Variants in KIZ observed in about 807,000 individuals in gnomAD.
KIZ encodes the protein kizuna centrosomal protein.
Under a neutral mutation model 79.6 loss-of-function variants are expected in KIZ, and 68 were observed. That is an observed-to-expected ratio of 0.85 (90% confidence interval 0.70 to 1.05). The LOEUF (loss-of-function observed/expected upper bound fraction) is 1.05, where lower values mean the gene tolerates loss of function less well. Ranked by LOEUF, KIZ falls within the 50% of genes least tolerant of loss-of-function variation. The pLI, the probability that KIZ is intolerant of heterozygous loss-of-function variation, is 0.00. For missense variants in KIZ, 797 were observed against 800.4 expected (o/e 1.00, Z 0.05); for synonymous variants, 280 against 281.8 (o/e 0.99, Z 0.06).
At chr20:21,233,883 G>A (rs891471266) in intron 11 of KIZ, among the ~76,000 whole-genome samples, 7 of 152,124 alleles carry the variant, frequency 4.6e-5, no homozygotes, top group Non-Finnish European at 7.4e-5. Context: ...ATTTTCAGAA[G>A]TTATTATTTT....
chr20:21,134,151 G>A (rs1305871617), intron 2 of KIZ, among the ~76,000 whole-genome samples: 4 of 152,282 alleles, frequency 2.6e-5, no homozygotes, highest in East Asian at 1.9e-4. Context: ...GCCAGGAGGC[G>A]TGAGGTGGGC....
chr20:21,148,429 G>A (rs1318656448), intron 4 of KIZ, among the ~76,000 whole-genome samples: 1 of 151,980 alleles, frequency 6.6e-6, no homozygotes, highest in African/African-American at 2.4e-5. Context: ...TCGCTTAGAA[G>A]GATTAATAGT....
chr20:21,244,199 A>G (rs2037314273), intron 11 of KIZ, 46 bp from the exon 12 acceptor site: 2 of 1,371,890 alleles, frequency 1.5e-6, no homozygotes, highest in South Asian at 1.2e-5. Flanking sequence ...TATTAGTCTC[A>G]TTGTCTTTTC....
At chr20:21,183,223 T>C (rs2034732739) in intron 6 of KIZ, among the ~76,000 whole-genome samples, 1 of 152,222 alleles carries the variant, frequency 6.6e-6, no homozygotes, top group Non-Finnish European at 1.5e-5. Flanking sequence ...AACAGGCAAG[T>C]TGTTTGTGAT....
intron 6 of KIZ, among the ~76,000 whole-genome samples, chr20:21,199,516 C>G (rs1248940601): frequency 2.6e-5 from 4 of 152,174 alleles, no homozygotes; most frequent in Non-Finnish European, 5.9e-5. Context: ...GGTTCACTCT[C>G]TAGCCTTGAA....
At chr20:21,246,350 AT>A (rs2037385771) in intron 12 of KIZ, 128 bp from the exon 13 acceptor site, 9 of 670,450 alleles carry the variant, frequency 1.3e-5, no homozygotes, top group South Asian at 3.3e-5. Context: ...CAGGTACATC[AT>A]GTGGTGTCCC....
intron 1 of KIZ, among the ~76,000 whole-genome samples, chr20:21,131,474 A>T (rs927229815): frequency 1.3e-5 from 2 of 152,190 alleles, no homozygotes; most frequent in African/African-American, 4.8e-5. Context: ...GTCTTTCTCT[A>T]TCTCATCCAC....
intron 12 of KIZ, chr20:21,244,695 C>T (rs549535530): frequency 6.0e-6 from 1 of 165,472 alleles, no homozygotes; most frequent in Admixed American, 6.3e-5. Context: ...TTCCTCCCAG[C>T]TCCTGGGAAC....
At chr20:21,166,087 C>T in intron 6 of KIZ, 1 of 648,004 alleles carries the variant, frequency 1.5e-6, no homozygotes, top group East Asian at 2.7e-5. Flanking sequence ...CTGCCTCAGC[C>T]TCCTGAGTAG....
At chr20:21,213,191 G>C (rs1198296359) in intron 7 of KIZ, among the ~76,000 whole-genome samples, 1 of 152,216 alleles carries the variant, frequency 6.6e-6, no homozygotes, top group African/African-American at 2.4e-5. Flanking sequence ...AAAGGCAGTT[G>C]CCTTGAAGCG....
chr20:21,203,281 A>C (rs375815691), intron 6 of KIZ, among the ~76,000 whole-genome samples: 194 of 152,226 alleles, frequency 1.3e-3, no homozygotes, highest in Non-Finnish European at 2.1e-3. Context: ...TACATGCTCT[A>C]TTTGGTTGGT....
intron 9 of KIZ, among the ~76,000 whole-genome samples, chr20:21,215,923 CT>C (rs1427043819): frequency 6.6e-6 from 1 of 152,206 alleles, no homozygotes; most frequent in Non-Finnish European, 1.5e-5. Flanking sequence ...GCACCTGCGT[CT>C]CTGTAAAAAG....
At chr20:21,138,532 T>C in intron 3 of KIZ, among the ~76,000 whole-genome samples, 1 of 152,346 alleles carries the variant, frequency 6.6e-6, no homozygotes, top group South Asian at 2.1e-4. Flanking sequence ...TCAATTTTAA[T>C]TAATTTTAAT....
chr20:21,143,576 A>G (rs923069370), intron 3 of KIZ, among the ~76,000 whole-genome samples: 4 of 152,202 alleles, frequency 2.6e-5, no homozygotes, highest in Admixed American at 6.5e-5. Flanking sequence ...ATACTGAGGA[A>G]GTAAATGGAA....
At chr20:21,135,530 A>G (rs2032137174) in intron 2 of KIZ, among the ~76,000 whole-genome samples, 1 of 152,240 alleles carries the variant, frequency 6.6e-6, no homozygotes, top group Admixed American at 6.5e-5. Flanking sequence ...CTGTTGTTAA[A>G]CAACTTTGGA....
At chr20:21,144,574 T>C (rs1387022842) in intron 3 of KIZ, among the ~76,000 whole-genome samples, 1 of 152,152 alleles carries the variant, frequency 6.6e-6, no homozygotes, top group East Asian at 1.9e-4. Flanking sequence ...ATCTATCATA[T>C]AGTACTCTGC....
chr20:21,234,471 G>A (rs936441644), intron 11 of KIZ, among the ~76,000 whole-genome samples: 8 of 151,914 alleles, frequency 5.3e-5, no homozygotes, highest in South Asian at 4.1e-4. Flanking sequence ...TGTTTGTCAC[G>A]GTTTGGTTCT....
intron 7 of KIZ, among the ~76,000 whole-genome samples, chr20:21,212,814 T>C (rs914925821): frequency 8.5e-5 from 13 of 152,186 alleles, no homozygotes; most frequent in African/African-American, 3.1e-4. Context: ...AGTGCAGTGG[T>C]CTGTGTAGGC....
chr20:21,212,711 C>T (rs1275103633), intron 7 of KIZ, among the ~76,000 whole-genome samples: 1 of 152,184 alleles, frequency 6.6e-6, no homozygotes, highest in Non-Finnish European at 1.5e-5. Context: ...GAAAAGAGGG[C>T]TCAGTGCAGA....
Sources: gnomAD v4.1 joint callset for allele counts (sites outside exome capture counted in the v4.1 genomes callset) on GRCh38, gnomAD v4.1.1 for gene constraint, MANE v1.5 for transcripts, NCBI Gene and HGNC (gene_info 2026-07-23, HGNC 2026-07-21) for gene names.